The following HDGFL3 variants were observed in gnomAD, a reference collection of about 807,000 sequenced individuals.
The protein encoded by HDGFL3 is HDGF like 3.
HDGFL3 carries 6 observed loss-of-function variants against 27.6 expected under a neutral mutation model. The ratio of observed to expected loss-of-function variants is 0.22; its 90% CI spans 0.12 to 0.43. The LOEUF is 0.43. HDGFL3 is among the 20% of genes least tolerant of loss of function. HDGFL3 has a pLI of 1.00. For missense variants in HDGFL3, 207 were observed against 250.1 expected (o/e 0.83, Z 1.16); for synonymous variants, 88 against 88.9 (o/e 0.99, Z 0.05).
intron 1 of HDGFL3, among the ~76,000 whole-genome samples, chr15:83,170,942 AAAG>A (rs2037239220): frequency 2.0e-5 from 3 of 152,196 alleles, no homozygotes; most frequent in South Asian, 4.1e-4. Flanking sequence ...ACACTTCTCA[AAAG>A]AAGACATACA....
At chr15:83,190,611 G>A (rs2037500152) in intron 1 of HDGFL3, among the ~76,000 whole-genome samples, 1 of 151,744 alleles carries the variant, frequency 6.6e-6, no homozygotes. Context: ...CATGTCTTTT[G>A]CCCATTTTCC....
chr15:83,188,255 T>C (rs1412852584), intron 1 of HDGFL3, among the ~76,000 whole-genome samples: 1 of 152,180 alleles, frequency 6.6e-6, no homozygotes, highest in African/African-American at 2.4e-5. Context: ...GGGTTATTTA[T>C]TTTTATTTAA....
At position 83,193,904 on chromosome 15, in the gene HDGFL3, C is replaced by T. The variant is rs148137550; in HGVS notation, c.84+13427G>A. Among the ~76,000 whole-genome samples the T allele has an allele frequency of 8.3e-3, 1,259 of 152,336 alleles. 6 individuals carry two copies. Among genetic ancestry groups the T allele is most frequent in the Non-Finnish European group, 0.012 (839 of 68,034 alleles). ...TCTGCATGGGGCAGTACCTGTGCTG[C>T]TGCTGCTATACGCTGCCACGTTAAT... is the stretch of plus-strand genomic sequence containing the variant. On this transcript the variant is annotated intron_variant, in intron 1 of 5. Coordinates refer to ENST00000299633, the MANE Select transcript of HDGFL3 (RefSeq NM_016073.4).
At position 83,128,230 on chromosome 15, in the gene HDGFL3, A is replaced by G. The variant is rs1339776875; in HGVS notation, c.*11040T>C. 1 of 152,256 alleles carries G rather than the reference A, an allele frequency of 6.6e-6. No homozygotes were observed. Among genetic ancestry groups the G allele is most frequent in the Non-Finnish European group, 1.5e-5 (1 of 68,062 alleles). The allele number at this position is 152,256 out of a possible 1,614,324, so 9.4% of individuals were successfully genotyped here. Reference sequence around the variant, plus strand: ...TAGAAACTGTAGGCTTGTACAGTCAATTATATGCATGGTATAATAATCATG... The same window carrying G: ...TAGAAACTGTAGGCTTGTACAGTCAGTTATATGCATGGTATAATAATCATG... On this transcript the variant is annotated 3_prime_UTR_variant, in exon 6 of 6. Coordinates refer to ENST00000299633, the MANE Select transcript of HDGFL3 (RefSeq NM_016073.4).
At position 83,136,151 on chromosome 15, in the gene HDGFL3, A is replaced by G. The variant is rs1015360163; in HGVS notation, c.*3119T>C. 1 of 195,436 alleles carries G rather than the reference A, an allele frequency of 5.1e-6. No homozygotes were observed. 12.1% of individuals were successfully genotyped at this position (195,436 alleles called of 1,614,324 possible). On this transcript the variant is annotated 3_prime_UTR_variant, in exon 6 of 6. Coordinates refer to ENST00000299633, the MANE Select transcript of HDGFL3 (RefSeq NM_016073.4). ...AAATCAGAAAAAAATTTGAGATTTTATTCAGATTTTTCTATTAGATTGAGC... is the reference window on the plus strand; with the variant it reads ...AAATCAGAAAAAAATTTGAGATTTTGTTCAGATTTTTCTATTAGATTGAGC...
In HDGFL3 at chr15:83,133,158, G is replaced by C. The variant is rs770163253; in HGVS notation, c.*6112C>G. On this transcript the variant is annotated 3_prime_UTR_variant, in exon 6 of 6. Coordinates refer to ENST00000299633, the MANE Select transcript of HDGFL3 (RefSeq NM_016073.4). ...GTGGTGGAGCTGTGATTTGACTCTG[G>C]ATGTCTAGTTCCAAAGTCAGTGTTC... 2.0e-5 allele frequency: 3 copies of C among 152,230 alleles called. No individual in the cohort carries two copies. Among genetic ancestry groups the C allele is most frequent in the Non-Finnish European group, 4.4e-5 (3 of 68,054 alleles). The allele number at this position is 152,230 out of a possible 1,614,324, so 9.4% of individuals were successfully genotyped here. A position where few individuals can be genotyped will look rare whatever the true frequency, so the allele number is the denominator to read the frequency against.
At position 83,139,020 on chromosome 15, in the gene HDGFL3, C is replaced by T; in HGVS notation, c.*250G>A. 3.3e-6 allele frequency: 1 copy of T among 304,998 alleles called. No individual in the cohort carries two copies. The highest frequency in any genetic ancestry group is 6.1e-6 in the Non-Finnish European group (1 of 164,720). The allele number at this position is 304,998 out of a possible 1,614,324, so 18.9% of individuals were successfully genotyped here. A position where few individuals can be genotyped will look rare whatever the true frequency, so the allele number is the denominator to read the frequency against. ...AGTCTGCGCAAAAATCTTGATAATC[C>T]TTAGTGGTTAAGGGCAACTTCATGC... On this transcript the variant is annotated 3_prime_UTR_variant, in exon 6 of 6. Transcript: ENST00000299633.
chr15:83,168,118 G>A (rs964448306), intron 1 of HDGFL3, among the ~76,000 whole-genome samples: 1 of 152,144 alleles, frequency 6.6e-6, no homozygotes, highest in African/African-American at 2.4e-5. Flanking sequence ...AATAAAAACA[G>A]AGATGTAACA....
chr15:83,198,154 A>G (rs1229146126), intron 1 of HDGFL3, among the ~76,000 whole-genome samples: 1 of 151,868 alleles, frequency 6.6e-6, no homozygotes, highest in African/African-American at 2.4e-5. Context: ...TAAAATCTAT[A>G]TAACTAACCT....
chr15:83,113,463 T>C (rs1156265653), exon 4 of HDGFL3: 2 of 154,230 alleles, frequency 1.3e-5, no homozygotes, highest in African/African-American at 4.8e-5. Flanking sequence ...CGTGTGGCTG[T>C]TGACCCCTAA....
At chr15:83,155,734 C>G (rs2037021513) in intron 4 of HDGFL3, among the ~76,000 whole-genome samples, 1 of 152,146 alleles carries the variant, frequency 6.6e-6, no homozygotes, top group African/African-American at 2.4e-5. Context: ...CTAATAAACT[C>G]TAGGTACTTG....
chr15:83,150,115 C>G (rs1429456786), intron 5 of HDGFL3, among the ~76,000 whole-genome samples: 3 of 152,156 alleles, frequency 2.0e-5, no homozygotes, highest in African/African-American at 7.2e-5. Context: ...TGACCACATT[C>G]TGAGTATTAA....
chr15:83,207,208 C>G lies in HDGFL3; in HGVS notation c.84+123G>C. The G allele has an allele frequency of 1.7e-6, 1 of 605,526 alleles. No homozygotes were observed. The highest frequency in any genetic ancestry group is 3.5e-5 in the East Asian group (1 of 28,516). The allele number at this position is 605,526 out of a possible 1,614,324, so 37.5% of individuals were successfully genotyped here. ...TTCTTCGTGCCGCGCCGCCCTCAGC[C>G]CTCACCACAGCCGGCCGCGAGCTGC... On this transcript the variant is annotated intron_variant, in intron 1 of 5. Transcript: ENST00000299633. This position sits in a 1 kb window ranked among gnomAD's most constrained non-coding sequence, Gnocchi z 4.8.
At chr15:83,184,996 T>C (rs956705216) in intron 1 of HDGFL3, 3 of 152,254 alleles carry the variant, frequency 2.0e-5, no homozygotes, top group Non-Finnish European at 4.4e-5. Context: ...AAAAGCTATG[T>C]GTATGCTGTG....
chr15:83,178,294 G>A (rs796636035), intron 1 of HDGFL3, among the ~76,000 whole-genome samples: 5 of 152,212 alleles, frequency 3.3e-5, no homozygotes, highest in African/African-American at 1.2e-4. Flanking sequence ...ATAATGAATT[G>A]GTCTTGGAGA....
intron 1 of HDGFL3, among the ~76,000 whole-genome samples, chr15:83,173,710 C>G (rs1285389972): frequency 6.6e-6 from 1 of 152,170 alleles, no homozygotes; most frequent in South Asian, 2.1e-4. Flanking sequence ...ACTCCCAAAT[C>G]TCTACCTCTA....
chr15:83,158,396 T>C (rs2151402662), intron 2 of HDGFL3, among the ~76,000 whole-genome samples: 1 of 152,344 alleles, frequency 6.6e-6, no homozygotes, highest in African/African-American at 2.4e-5. Context: ...ATGTTAATCT[T>C]ACCACAGGTA....
chr15:83,204,980 C>T lies in HDGFL3; in HGVS notation c.84+2351G>A, dbSNP rs571357437. On this transcript the variant is annotated intron_variant, in intron 1 of 5. Coordinates refer to ENST00000299633, the MANE Select transcript of HDGFL3 (RefSeq NM_016073.4). ...ATGAACCAGCTCTAATACAAAGTGC[C>T]TTCCTACAACATGTACTCTGAAATC... Among the ~76,000 whole-genome samples the T allele has an allele frequency of 5.9e-5, 9 of 152,302 alleles. No homozygotes were observed. In the South Asian group the frequency reaches 1.7e-3, roughly 28 times the overall value.
intron 1 of HDGFL3, among the ~76,000 whole-genome samples, chr15:83,197,157 C>T (rs146773798): frequency 2.6e-5 from 4 of 152,280 alleles, no homozygotes; most frequent in African/African-American, 9.6e-5. Context: ...TTGTCCTTCC[C>T]CTGACATCAC....
Sources: gnomAD v4.1 joint callset for allele counts (sites outside exome capture counted in the v4.1 genomes callset) on GRCh38, gnomAD v4.1.1 for gene constraint, Gnocchi (gnomAD v3.1) non-coding constraint, MANE v1.5 for transcripts, NCBI Gene and HGNC (gene_info 2026-07-23, HGNC 2026-07-21) for gene names.